Variants in PARD3 observed in about 807,000 individuals in gnomAD.
PARD3 encodes the protein par-3 family cell polarity regulator.
In PARD3, 75 loss-of-function variants were observed where a neutral mutation model predicts 155.4. The ratio of observed to expected loss-of-function variants is 0.48; its 90% confidence interval spans 0.40 to 0.58. The LOEUF (loss-of-function observed/expected upper bound fraction) is 0.58. Ranked by LOEUF, PARD3 falls within the 20% of genes least tolerant of loss-of-function variation. The pLI, the probability that PARD3 is intolerant of heterozygous loss-of-function variation, is 0.00. For missense variants in PARD3, 1,642 were observed against 1,721.7 expected, an observed-to-expected ratio of 0.95 and a Z score of 0.82; for synonymous variants, 576 against 610.5, an observed-to-expected ratio of 0.94 and a Z score of 0.83.
intron 22 of PARD3, among the ~76,000 whole-genome samples, chr10:34,263,231 T>C (rs900526311): frequency 2.6e-5 from 4 of 152,236 alleles, no homozygotes; most frequent in Non-Finnish European, 4.4e-5. Flanking sequence ...CTACAGACCA[T>C]GCTCAGTGTG....
chr10:34,462,414 C>T (rs1024693336), intron 4 of PARD3, among the ~76,000 whole-genome samples: 1 of 152,016 alleles, frequency 6.6e-6, no homozygotes, highest in African/African-American at 2.4e-5. Context: ...TCTTCAAATC[C>T]AACAGAACAT....
At chr10:34,773,540 C>T (rs1362683859) in intron 1 of PARD3, among the ~76,000 whole-genome samples, 1 of 152,168 alleles carries the variant, frequency 6.6e-6, no homozygotes, top group Non-Finnish European at 1.5e-5. Flanking sequence ...TGCCAAATTG[C>T]TGTTCCGAGA....
intron 22 of PARD3, among the ~76,000 whole-genome samples, chr10:34,218,370 T>TTAAC (rs1343676738): frequency 1.3e-5 from 2 of 152,132 alleles, no homozygotes; most frequent in African/African-American, 4.8e-5. Flanking sequence ...TCAACTTCTG[T>TTAAC]TAACTAACCA....
chr10:34,557,163 G>C (rs879147262), intron 2 of PARD3, among the ~76,000 whole-genome samples: 1 of 152,134 alleles, frequency 6.6e-6, no homozygotes, highest in East Asian at 1.9e-4. Context: ...TTGCCAAAGT[G>C]GGCTACTCCT....
intron 3 of PARD3, among the ~76,000 whole-genome samples, chr10:34,476,744 A>C (rs1313700222): frequency 6.6e-6 from 1 of 152,216 alleles, no homozygotes; most frequent in Non-Finnish European, 1.5e-5. Context: ...CTAGAAAAAA[A>C]CATAAAAGCA....
intron 1 of PARD3, among the ~76,000 whole-genome samples, chr10:34,754,424 AT>A: frequency 6.6e-6 from 1 of 152,354 alleles, no homozygotes; most frequent in East Asian, 1.9e-4. Flanking sequence ...CTTATGAAAC[AT>A]CACGTGCTTT....
chr10:34,542,186 C>G (rs2083657050), intron 2 of PARD3, among the ~76,000 whole-genome samples: 1 of 146,864 alleles, frequency 6.8e-6, no homozygotes, highest in Non-Finnish European at 1.5e-5. Flanking sequence ...ACTTACAAAG[C>G]AGTAAGGTTG....
intron 19 of PARD3, among the ~76,000 whole-genome samples, chr10:34,320,354 C>T (rs1455942383): frequency 6.6e-6 from 1 of 152,134 alleles, no homozygotes; most frequent in Non-Finnish European, 1.5e-5. Flanking sequence ...ATTGTTAGTG[C>T]TGTATGCATC....
At chr10:34,759,315 A>AG (rs1837143575) in intron 1 of PARD3, among the ~76,000 whole-genome samples, 1 of 152,200 alleles carries the variant, frequency 6.6e-6, no homozygotes, top group Non-Finnish European at 1.5e-5. Flanking sequence ...CTATCACATT[A>AG]GAAGAAAAAC....
At position 34,110,942 on chromosome 10, in the gene PARD3, G is replaced by A; in HGVS notation, c.*227C>T. 1 of 459,416 alleles carries A rather than the reference G, an allele frequency of 2.2e-6. No individual in the cohort carries two copies. The highest frequency in any genetic ancestry group is 3.8e-6 in the Non-Finnish European group (1 of 262,454). 28.5% of individuals were successfully genotyped at this position (459,416 alleles called of 1,614,324 possible). ...GCAGAGCATATGAACACCTCAAACA[G>A]ATGATTGTCACAGGGTGGGAAATCC... On this transcript the variant is annotated 3_prime_UTR_variant, in exon 25 of 25. Transcript: ENST00000374788.
intron 1 of PARD3, among the ~76,000 whole-genome samples, chr10:34,768,553 G>C (rs1329681844): frequency 6.6e-6 from 1 of 152,186 alleles, no homozygotes; most frequent in Non-Finnish European, 1.5e-5. Context: ...TGAGCAGAGG[G>C]GTGACTTTGA....
At chr10:34,812,647 A>G (rs931662411) in intron 1 of PARD3, among the ~76,000 whole-genome samples, 1 of 152,174 alleles carries the variant, frequency 6.6e-6, no homozygotes, top group Non-Finnish European at 1.5e-5. Context: ...TTGGGATCCA[A>G]TGACTGAACT....
In PARD3 at chr10:34,111,253, C is replaced by A; in HGVS notation, c.3978G>T (p.Arg1326=). The change falls in exon 25 of 25, where the codon CGG becomes CGT. Residue 1326 remains arginine, a synonymous_variant. Transcript: ENST00000374788. ...GAGAAGGGGAGGGGGGCACATCTTG[C>A]CGGAAGGGCCCCTTGGGAGGGGCGT... ...PSYAPPKGPF[R]QDVPPSPSQV... 1 of 1,612,998 alleles carries A rather than the reference C, an allele frequency of 6.2e-7. No homozygotes were observed. The highest frequency in any genetic ancestry group is 8.5e-7 in the Non-Finnish European group (1 of 1,179,074).
intron 22 of PARD3, among the ~76,000 whole-genome samples, chr10:34,190,182 C>T (rs1950646179): frequency 6.6e-6 from 1 of 152,150 alleles, no homozygotes; most frequent in Admixed American, 6.5e-5. Context: ...AAGAAACTAC[C>T]ACTTGTCAAG....
chr10:34,587,711 A>G (rs2088226675), intron 2 of PARD3, among the ~76,000 whole-genome samples: 1 of 152,200 alleles, frequency 6.6e-6, no homozygotes, highest in Non-Finnish European at 1.5e-5. Context: ...TGTCTCCTGC[A>G]TGCTAATGCT....
chr10:34,450,111 T>C (rs1171670590), intron 5 of PARD3, among the ~76,000 whole-genome samples: 3 of 152,184 alleles, frequency 2.0e-5, no homozygotes, highest in Admixed American at 6.5e-5. Context: ...TCATAACTGC[T>C]CACAATAAAT....
chr10:34,263,899 A>G (rs1046235392), intron 22 of PARD3, among the ~76,000 whole-genome samples: 5 of 152,234 alleles, frequency 3.3e-5, no homozygotes, highest in Non-Finnish European at 7.3e-5. Context: ...GCAACACTGG[A>G]GAATACTGCT....
intron 22 of PARD3, among the ~76,000 whole-genome samples, chr10:34,248,548 A>G (rs1954101718): frequency 6.6e-6 from 1 of 151,044 alleles, no homozygotes; most frequent in South Asian, 2.1e-4. Context: ...AGATGAATAT[A>G]ATGAGGCTCA....
intron 12 of PARD3, among the ~76,000 whole-genome samples, chr10:34,370,201 A>C (rs1840438781): frequency 6.6e-6 from 1 of 152,248 alleles, no homozygotes; most frequent in Non-Finnish European, 1.5e-5. Flanking sequence ...GTATTAGAAA[A>C]AAAAGTCCAA....
Sources: allele counts gnomAD v4.1 joint callset (sites outside exome capture counted in the v4.1 genomes callset), GRCh38; gene constraint gnomAD v4.1.1; transcripts MANE v1.5; gene names NCBI Gene and HGNC (gene_info 2026-07-23, HGNC 2026-07-21).